The following GRIP1 variants were observed in gnomAD, a reference collection of about 807,000 sequenced individuals.
GRIP1 encodes the protein glutamate receptor-interacting protein 1.
GRIP1 carries 45 observed loss-of-function variants against 129.9 expected under a neutral mutation model. The ratio of observed to expected loss-of-function variants is 0.35; its 90% CI spans 0.27 to 0.44. GRIP1 has a LOEUF of 0.44. Among genes scored for constraint, GRIP1 ranks in the 20% least tolerant of loss-of-function variants. The pLI, the probability that GRIP1 is intolerant of heterozygous loss-of-function variation, is 1.00. For synonymous variants in GRIP1, 530 were observed against 520.8 expected (o/e 1.02, Z -0.24); for missense variants, 1,196 against 1,396.8 (o/e 0.86, Z 2.29).
chr12:66,384,850 C>T (rs2056283039), intron 19 of GRIP1, among the ~76,000 whole-genome samples: 1 of 152,146 alleles, frequency 6.6e-6, no homozygotes, highest in South Asian at 2.1e-4. Flanking sequence ...AATTTTGTTT[C>T]GTATGTAGAA....
At chr12:66,931,528 T>C (rs7299111) in intron 1 of GRIP1, among the ~76,000 whole-genome samples, 70,949 of 152,064 alleles carry the variant, frequency 0.47, 18,185 homozygotes, top group East Asian at 0.69. Context: ...CTAATAAATA[T>C]GAGAGATGTT....
chr12:66,441,813 C>T (rs2058478506), intron 13 of GRIP1, among the ~76,000 whole-genome samples: 2 of 152,106 alleles, frequency 1.3e-5, no homozygotes. Flanking sequence ...TCCAAATTTC[C>T]CCTCTTCCAG....
At chr12:66,531,226 ACT>A (rs1316487014) in intron 4 of GRIP1, among the ~76,000 whole-genome samples, 3 of 115,588 alleles carry the variant, frequency 2.6e-5, no homozygotes, top group Middle Eastern at 4.1e-3. Flanking sequence ...ACAGAGTGAG[ACT>A]CTGTCTCAAA....
intron 1 of GRIP1, among the ~76,000 whole-genome samples, chr12:66,852,267 C>T (rs1289998887): frequency 1.3e-5 from 2 of 151,582 alleles, no homozygotes; most frequent in African/African-American, 4.8e-5. Flanking sequence ...GATATCTTTC[C>T]AAAATTGCAT....
At chr12:66,615,231 A>C (rs2064988898) in intron 1 of GRIP1, among the ~76,000 whole-genome samples, 1 of 152,174 alleles carries the variant, frequency 6.6e-6, no homozygotes, top group African/African-American at 2.4e-5. Context: ...CTATAAAATA[A>C]GCCAAACAAG....
rs566070408 is a variant in GRIP1 at position 66,846,953 on chromosome 12, T to C, written c.58+222097A>G. ...GACATCAGTGGACTCTGGAGCATAG[T>C]GGCTTCCCTGGTTGTCTGGCATCTG... is the stretch of plus-strand genomic sequence containing the variant. On this transcript the variant is annotated intron_variant, in intron 1 of 1. Coordinates refer to the GRIP1 transcript ENST00000643019. Among the ~76,000 whole-genome samples the C allele has an allele frequency of 1.8e-3, 274 of 152,202 alleles. 1 individual carries two copies. Among genetic ancestry groups the C allele is most frequent in the Non-Finnish European group, 2.6e-3 (176 of 68,010 alleles).
chr12:66,439,118 T>C (rs540511492), intron 13 of GRIP1, among the ~76,000 whole-genome samples: 9 of 152,276 alleles, frequency 5.9e-5, no homozygotes, highest in Admixed American at 5.2e-4. Flanking sequence ...CTGCAAAGCT[T>C]CTTCTGTGGA....
chr12:66,723,304 CTTTTTTTTTTTTTT>C (rs57938064), intron 1 of GRIP1, among the ~76,000 whole-genome samples: 6 of 58,402 alleles, frequency 1.0e-4, no homozygotes, highest in South Asian at 7.0e-4. Flanking sequence ...TTCTTTCTTT[CTTTTTTTTTTTTTT>C]TTTTTTTTTT....
chr12:66,528,559 T>G (rs1381368165), intron 5 of GRIP1, among the ~76,000 whole-genome samples: 1 of 152,192 alleles, frequency 6.6e-6, no homozygotes, highest in Non-Finnish European at 1.5e-5. Context: ...CTTCGATCCA[T>G]TTTTAGAAAG....
intron 1 of GRIP1, among the ~76,000 whole-genome samples, chr12:66,932,765 T>C (rs1209383738): frequency 6.6e-6 from 1 of 151,968 alleles, no homozygotes; most frequent in African/African-American, 2.4e-5. Context: ...GCCATCTGGG[T>C]TCAAGCGATT....
chr12:66,689,879 T>C (rs1489523156), intron 1 of GRIP1, among the ~76,000 whole-genome samples: 6 of 152,120 alleles, frequency 3.9e-5, no homozygotes, highest in Admixed American at 2.6e-4. Flanking sequence ...GAATTGGACA[T>C]TTTAATGTAT....
In GRIP1 at chr12:66,761,174, G is replaced by A. The variant is rs557774133; in HGVS notation, c.-420+42879C>T. On this transcript the variant is annotated intron_variant, in intron 1 of 4. Coordinates refer to the GRIP1 transcript ENST00000538373. The stretch of plus-strand genomic sequence containing the variant: ...TTGACTCCACTGTAACAGATCCTTC[G>A]CTAAATCTTGCCTTTCCTCTATCCC... 9.9e-5 allele frequency among the ~76,000 whole-genome samples: 15 copies of A among 151,784 alleles called. No individual in the cohort carries two copies. The South Asian group carries it at 1.0e-3, about 11-fold the overall frequency.
chr12:66,888,370 CTT>C (rs2137221028), intron 1 of GRIP1, among the ~76,000 whole-genome samples: 1 of 151,606 alleles, frequency 6.6e-6, no homozygotes, highest in South Asian at 2.1e-4. Flanking sequence ...CAAGAACTGA[CTT>C]TTATTAAGAT....
intron 5 of GRIP1, among the ~76,000 whole-genome samples, chr12:66,525,870 A>C (rs1234518703): frequency 2.0e-5 from 3 of 151,970 alleles, no homozygotes; most frequent in Non-Finnish European, 4.4e-5. Context: ...AATCACAAGC[A>C]TTCTTATACA....
At chr12:66,470,661 G>A (rs565500839) in intron 7 of GRIP1, among the ~76,000 whole-genome samples, 12 of 152,322 alleles carry the variant, frequency 7.9e-5, no homozygotes, top group Non-Finnish European at 1.5e-4. Flanking sequence ...AGCTGAACAA[G>A]AACCATGGGG....
intron 1 of GRIP1, among the ~76,000 whole-genome samples, chr12:66,909,422 A>T: frequency 6.6e-6 from 1 of 152,230 alleles, no homozygotes; most frequent in East Asian, 1.9e-4. Flanking sequence ...TTGAAGACTG[A>T]TAAGGGTTTT....
chr12:66,780,446 C>T (rs1196321306), intron 1 of GRIP1, among the ~76,000 whole-genome samples: 1 of 152,182 alleles, frequency 6.6e-6, no homozygotes, highest in Non-Finnish European at 1.5e-5. Context: ...CCTGTGAACT[C>T]TTGAATCTGA....
chr12:66,379,489 G>A, intron 19 of GRIP1, 53 bp from the exon 20 acceptor site: 2 of 1,561,280 alleles, frequency 1.3e-6, no homozygotes, highest in South Asian at 1.1e-5. Context: ...TTAATCCATT[G>A]AGAAATGACA....
intron 14 of GRIP1, among the ~76,000 whole-genome samples, chr12:66,423,267 A>C (rs1394295900): frequency 1.3e-5 from 2 of 152,238 alleles, no homozygotes; most frequent in African/African-American, 4.8e-5. Context: ...CATGAATAAC[A>C]GTGCTTACCA....
Sources: gnomAD v4.1 joint callset for allele counts (sites outside exome capture counted in the v4.1 genomes callset) on GRCh38, gnomAD v4.1.1 for gene constraint, MANE v1.5 for transcripts, NCBI Gene and HGNC (gene_info 2026-07-23, HGNC 2026-07-21) for gene names.